RNF43: variants seen among roughly 807,000 people sequenced by gnomAD.
RNF43 encodes the protein ring finger protein 43.
A neutral mutation model predicts 78.4 loss-of-function variants in RNF43; 37 were observed. The observed-to-expected ratio is 0.47, with a 90% confidence interval of 0.36 to 0.62. The LOEUF (loss-of-function observed/expected upper bound fraction) is 0.62. Among genes scored for constraint, RNF43 ranks in the 20% least tolerant of loss-of-function variants. The pLI, the probability that RNF43 is intolerant of heterozygous loss-of-function variation, is 0.00. For missense variants in RNF43, 774 were observed against 1,007.9 expected, an observed-to-expected ratio of 0.77 and a Z score of 3.14; for synonymous variants, 347 against 395.0, an observed-to-expected ratio of 0.88 and a Z score of 1.44.
intron 2 of RNF43, among the ~76,000 whole-genome samples, chr17:58,403,707 C>A (rs1255810773): frequency 6.6e-6 from 1 of 152,188 alleles, no homozygotes; most frequent in Non-Finnish European, 1.5e-5. Context: ...CCCATTTCCA[C>A]TCTTCCCAGT....
rs79577764 is a variant in RNF43, at chr17:58,373,893, C to G, written c.253-2860G>C. On this transcript the variant is annotated intron_variant, in intron 2 of 9. Coordinates refer to ENST00000407977, the MANE Select transcript of RNF43 (RefSeq NM_017763.6). ...GGTCACACAAGATTTGAACTCAACT[C>G]TGCCTGACTCCATTGTCGGAGCCAT... is the stretch of plus-strand genomic sequence containing the variant. Among the ~76,000 whole-genome samples the G allele has an allele frequency of 8.6e-3, 1,303 of 152,312 alleles. 11 individuals are homozygous for G. The highest frequency in any genetic ancestry group is 0.014 in the Non-Finnish European group (939 of 68,020).
rs1598171344 is a variant in RNF43, at chr17:58,413,119, C to T, written c.252+2207G>A. On this transcript the variant is annotated intron_variant, in intron 2 of 9. Transcript: ENST00000407977. ...AACTTCAGTTAAATGGAAGGCTTGGCTAACCACAGTTGAGTAAACCTGAGT... is the reference window on the plus strand; with the variant it reads ...AACTTCAGTTAAATGGAAGGCTTGGTTAACCACAGTTGAGTAAACCTGAGT... Among the ~76,000 whole-genome samples, 5 of 152,110 alleles carry T rather than the reference C, an allele frequency of 3.3e-5. No homozygotes were observed. The South Asian group carries it at 1.0e-3, about 32-fold the overall frequency.
intron 2 of RNF43, among the ~76,000 whole-genome samples, chr17:58,389,208 G>A (rs1973496135): frequency 1.3e-5 from 2 of 152,130 alleles, no homozygotes; most frequent in Admixed American, 1.3e-4. Flanking sequence ...GTTAAAAGGA[G>A]AAGGAATTAA....
intron 2 of RNF43, chr17:58,394,847 A>G (rs1357265796): frequency 6.6e-6 from 1 of 152,158 alleles, no homozygotes; most frequent in African/African-American, 2.4e-5. Flanking sequence ...GAACTTTAGG[A>G]CTTTTGGGGT....
At chr17:58,379,218 G>T (rs1168475178) in intron 2 of RNF43, among the ~76,000 whole-genome samples, 1 of 152,114 alleles carries the variant, frequency 6.6e-6, no homozygotes, top group East Asian at 1.9e-4. Flanking sequence ...ACAGTGGAAG[G>T]CTTCAGGGTC....
intron 2 of RNF43, among the ~76,000 whole-genome samples, chr17:58,409,055 C>T (rs1226303546): frequency 6.6e-6 from 1 of 152,074 alleles, no homozygotes; most frequent in East Asian, 1.9e-4. Context: ...TAGGAAAAGA[C>T]CTTTAGGATT....
chr17:58,384,968 T>C (rs531062827), intron 2 of RNF43, among the ~76,000 whole-genome samples: 14 of 152,216 alleles, frequency 9.2e-5, no homozygotes, highest in Non-Finnish European at 1.8e-4. Context: ...ATGGTGTCAG[T>C]TGTTTCCTAA....
Position 58,356,004 on chromosome 17 carries a change from C to T in RNF43, c.2309-1018G>A, listed in dbSNP as rs114596083. On this transcript the variant is annotated intron_variant, in intron 9 of 9. Transcript: ENST00000407977. ...GTGAAAGGCAAGAAAAAGAGAGGCA[C>T]TGAAACTAGTTCTGAGTTTGAGAGA... Among the ~76,000 whole-genome samples the T allele has an allele frequency of 5.1e-3, 772 of 152,308 alleles. 7 individuals are homozygous for T. The highest frequency in any genetic ancestry group is 0.018 in the African/African-American group (739 of 41,562).
rs565471382 is a variant in RNF43 at position 58,372,563 on chromosome 17, C to T, written c.253-1530G>A. 9.2e-5 allele frequency among the ~76,000 whole-genome samples: 14 copies of T among 152,336 alleles called. No homozygotes were observed. In the East Asian group the frequency reaches 2.3e-3, roughly 25 times the overall value. On this transcript the variant is annotated intron_variant, in intron 2 of 9. Transcript: ENST00000407977. ...CATTCATTTCTTTGTTCTGCCAGCA[C>T]GGAAGGCCCCCTTGGTGTCAGGCTC...
At chr17:58,380,228 T>C (rs1973284768) in intron 2 of RNF43, among the ~76,000 whole-genome samples, 1 of 152,092 alleles carries the variant, frequency 6.6e-6, no homozygotes, top group South Asian at 2.1e-4. Flanking sequence ...TTATAAGGAG[T>C]ACCACTGAGC....
chr17:58,413,174 C>T (rs762793648), intron 2 of RNF43, among the ~76,000 whole-genome samples: 8 of 152,148 alleles, frequency 5.3e-5, no homozygotes, highest in Non-Finnish European at 1.2e-4. Context: ...GAACAAACAG[C>T]ATGGATTCCA....
chr17:58,363,496 C>A lies in RNF43; in HGVS notation c.450+30G>T, dbSNP rs371817844. 1.2e-5 allele frequency: 19 copies of A among 1,611,046 alleles called. No homozygotes were observed. The highest frequency in any genetic ancestry group is 3.3e-4 in the Middle Eastern group (2 of 6,074). ...GCTTTATCTTCCTCCATCCAGCCCCCACCTTGAACACGCAAATGTCCCTGG... is the reference window on the plus strand; with the variant it reads ...GCTTTATCTTCCTCCATCCAGCCCCAACCTTGAACACGCAAATGTCCCTGG... On this transcript the variant is annotated intron_variant, in intron 4 of 9. Coordinates refer to ENST00000407977, the MANE Select transcript of RNF43 (RefSeq NM_017763.6).
chr17:58,365,156 C>A (rs1972924552), intron 3 of RNF43, among the ~76,000 whole-genome samples: 1 of 152,200 alleles, frequency 6.6e-6, no homozygotes, highest in South Asian at 2.1e-4. Context: ...CTACTCACTT[C>A]CTCCCATCTA....
At chr17:58,364,244 C>A (rs1274800090) in intron 3 of RNF43, among the ~76,000 whole-genome samples, 1 of 152,218 alleles carries the variant, frequency 6.6e-6, no homozygotes, top group Non-Finnish European at 1.5e-5. Context: ...AATTCAAGGA[C>A]TTAGAGGAGT....
chr17:58,388,320 A>G (rs1973479208), intron 2 of RNF43, among the ~76,000 whole-genome samples: 1 of 152,104 alleles, frequency 6.6e-6, no homozygotes, highest in Non-Finnish European at 1.5e-5. Flanking sequence ...ACATTATCAG[A>G]CCTGTTTCTG....
At position 58,383,704 on chromosome 17, in the gene RNF43, G is replaced by A. The variant is rs555230899; in HGVS notation, c.253-12671C>T. On this transcript the variant is annotated intron_variant, in intron 2 of 9. Coordinates refer to ENST00000407977, the MANE Select transcript of RNF43 (RefSeq NM_017763.6). ...GTGATCTCGGCTCACTGCAACCTCC[G>A]CCTCCCGCGTTCAAGCGATTCTCCA... Among the ~76,000 whole-genome samples the A allele has an allele frequency of 5.9e-5, 9 of 151,958 alleles. No individual in the cohort carries two copies. In the South Asian group the frequency reaches 6.2e-4, roughly 11 times the overall value.
chr17:58,392,067 G>A (rs897941447), intron 2 of RNF43, among the ~76,000 whole-genome samples: 2 of 152,206 alleles, frequency 1.3e-5, no homozygotes, highest in Admixed American at 1.3e-4. Context: ...CAGTGGATCT[G>A]GAAGAATGGA....
chr17:58,374,565 G>A (rs1446974983), intron 2 of RNF43, among the ~76,000 whole-genome samples: 5 of 151,964 alleles, frequency 3.3e-5, no homozygotes, highest in African/African-American at 1.2e-4. Flanking sequence ...GCTAATTTTT[G>A]TATTTTTAGT....
intron 2 of RNF43, among the ~76,000 whole-genome samples, chr17:58,393,487 C>T (rs1379575298): frequency 6.6e-6 from 1 of 152,112 alleles, no homozygotes; most frequent in Non-Finnish European, 1.5e-5. Context: ...GTATATGATA[C>T]ACATAACATG....
Sources: gnomAD v4.1 joint callset for allele counts (sites outside exome capture counted in the v4.1 genomes callset) on GRCh38, gnomAD v4.1.1 for gene constraint, MANE v1.5 for transcripts, NCBI Gene and HGNC (gene_info 2026-07-23, HGNC 2026-07-21) for gene names.